Variants in PLCG1 observed in about 807,000 individuals in gnomAD.
The protein encoded by PLCG1 is phospholipase C gamma 1.
Under a neutral mutation model 177.8 loss-of-function variants are expected in PLCG1, and 71 were observed. The observed-to-expected ratio is 0.40, with a 90% CI of 0.33 to 0.49. The LOEUF (loss-of-function observed/expected upper bound fraction) is 0.49, where lower values mean the gene tolerates loss of function less well. PLCG1 is among the 20% of genes least tolerant of loss of function. The probability of loss-of-function intolerance (pLI) is 0.72; values close to 1 mark genes in which losing one functional copy is unlikely to be tolerated. For missense variants in PLCG1, 1,281 were observed against 1,709.0 expected, an observed-to-expected ratio of 0.75 and a Z score of 4.42; for synonymous variants, 658 against 647.9, an observed-to-expected ratio of 1.02 and a Z score of -0.24.
Position 41,137,689 on chromosome 20 carries a change from G to A in PLCG1, c.48G>A (p.Ala16=). The part of the protein sequence containing the change: ...SPCANGCGPG[A]PSDAEVLHLC... ...GCGCCAACGGCTGCGGGCCCGGCGC[G>A]CCCTCGGACGCCGAGGTGCTGCACC... is the stretch of plus-strand genomic sequence containing the variant. Residue 16 remains alanine, a synonymous_variant, in exon 1 of 32, where the codon GCG becomes GCA. Coordinates refer to ENST00000685551, the MANE Select transcript of PLCG1 (RefSeq NM_002660.3). This position sits in a 1 kb window ranked among gnomAD's most constrained non-coding sequence, Gnocchi z 7.3. The A allele has an allele frequency of 2.3e-6, 3 of 1,319,826 alleles. No homozygotes were observed. The highest frequency in any genetic ancestry group is 2.9e-6 in the Non-Finnish European group (3 of 1,033,714). The allele number at this position is 1,319,826 out of a possible 1,614,324, so 81.8% of individuals were successfully genotyped here.
At chr20:41,169,282 C>T in intron 22 of PLCG1, 107 bp downstream of exon 22, 2 of 981,552 alleles carry the variant, frequency 2.0e-6, no homozygotes, top group South Asian at 2.6e-5. Context: ...AGACACCTGT[C>T]ACATGGGCTG....
chr20:41,162,631 A>G lies in PLCG1; in HGVS notation c.598-11A>G. The G allele has an allele frequency of 2.5e-6, 4 of 1,611,534 alleles. No individual in the cohort carries two copies. Among genetic ancestry groups the G allele is most frequent in the Non-Finnish European group, 2.5e-6 (3 of 1,177,774 alleles). On this transcript the variant is annotated splice_polypyrimidine_tract_variant and intron_variant, in intron 5 of 31. Coordinates refer to ENST00000685551, the MANE Select transcript of PLCG1 (RefSeq NM_002660.3). Reference sequence around the variant, plus strand: ...ACTGCCTGACTGGCACTCCTGCTCTATACCATGCAGGACCTGGAGCAGCGC... The same window carrying G: ...ACTGCCTGACTGGCACTCCTGCTCTGTACCATGCAGGACCTGGAGCAGCGC...
rs1282196827 is a variant in PLCG1, at chr20:41,175,760, T to G, written c.*1251T>G. On this transcript the variant is annotated 3_prime_UTR_variant, in exon 32 of 32. Transcript: ENST00000685551. Reference sequence around the variant, plus strand: ...GCTCTTTCGGGGGCTCAGGAAAGCCTGTTGCATGGGACATGCTCACTAGAA... The same window carrying G: ...GCTCTTTCGGGGGCTCAGGAAAGCCGGTTGCATGGGACATGCTCACTAGAA... The G allele has an allele frequency of 6.5e-6, 1 of 152,674 alleles. No individual in the cohort carries two copies. The highest frequency in any genetic ancestry group is 2.4e-5 in the African/African-American group (1 of 41,456). 9.5% of individuals were successfully genotyped at this position (152,674 alleles called of 1,614,324 possible). A position where few individuals can be genotyped will look rare whatever the true frequency, so the allele number is the denominator to read the frequency against.
At chr20:41,169,259 C>A in intron 22 of PLCG1, 84 bp downstream of exon 22, 1 of 1,055,072 alleles carries the variant, frequency 9.5e-7, no homozygotes, top group Non-Finnish European at 1.5e-6. Context: ...CCCAAGCACG[C>A]ACGTGCATGC....
At chr20:41,168,671 G>A (rs2035785630) in intron 20 of PLCG1, 96 bp from the exon 21 acceptor site, 1 of 735,270 alleles carries the variant, frequency 1.4e-6, no homozygotes, top group Non-Finnish European at 2.4e-6. Context: ...CCCCAGGCAG[G>A]GAAGCCCAAG....
chr20:41,170,530 A>G, intron 24 of PLCG1: 1 of 432,064 alleles, frequency 2.3e-6, no homozygotes, highest in Non-Finnish European at 4.2e-6. Flanking sequence ...GATACACAAG[A>G]CCAGAGGTAA....
At chr20:41,138,254 C>G (rs772234635) in intron 1 of PLCG1, among the ~76,000 whole-genome samples, 82 of 152,272 alleles carry the variant, frequency 5.4e-4, no homozygotes, top group Middle Eastern at 6.8e-3. Context: ...CAGACGGTCC[C>G]CGCCCACTCT....
Position 41,166,042 on chromosome 20 carries a change from GTTC to G in PLCG1, c.1800-151_1800-149del. The G allele has an allele frequency of 1.1e-5, 8 of 716,894 alleles. No individual in the cohort carries two copies. Among genetic ancestry groups the G allele is most frequent in the Non-Finnish European group, 1.8e-5 (8 of 441,752 alleles). The allele number at this position is 716,894 out of a possible 1,614,324, so 44.4% of individuals were successfully genotyped here. A position where few individuals can be genotyped will look rare whatever the true frequency, so the allele number is the denominator to read the frequency against. ...GGTTCATTTGAAGCCCACACCTTTG[GTTC>G]ATGTGACTGCCCACACCTGAGCTCC... On this transcript the variant is annotated intron_variant, in intron 16 of 31. Coordinates refer to ENST00000685551, the MANE Select transcript of PLCG1 (RefSeq NM_002660.3). This position sits in a 1 kb window ranked among gnomAD's most constrained non-coding sequence, Gnocchi z 8.6.
In PLCG1 at chr20:41,165,127, G is replaced by T; in HGVS notation, c.1386+26G>T. 1 of 1,607,144 alleles carries T rather than the reference G, an allele frequency of 6.2e-7. No homozygotes were observed. Among genetic ancestry groups the T allele is most frequent in the Middle Eastern group, 1.7e-4 (1 of 6,040 alleles). On this transcript the variant is annotated intron_variant, in intron 13 of 31. Transcript: ENST00000685551. This position sits in a 1 kb window ranked among gnomAD's most constrained non-coding sequence, Gnocchi z 6.6. The stretch of plus-strand genomic sequence containing the variant: ...GTGGGGTGGCGGGCTTATTGCGGAA[G>T]CCCCACACTTCTCAGTGCCTTGCCC...
In PLCG1 at chr20:41,170,166, C is replaced by G; in HGVS notation, c.2705C>G (p.Ala902Gly). The part of the protein sequence containing the change: ...NRLFVFSISM[A>G]SVAHWSLDVA... Reference sequence around the variant, plus strand: ...CTCTTCGTCTTCTCCATCAGCATGGCGTCGGTGGCCCACTGGTCCCTGGAT... The same window carrying G: ...CTCTTCGTCTTCTCCATCAGCATGGGGTCGGTGGCCCACTGGTCCCTGGAT... The change falls in exon 24 of 32, where the codon GCG becomes GGG. Residue 902 changes from alanine (A) to glycine (G), a missense_variant. Coordinates refer to ENST00000685551, the MANE Select transcript of PLCG1 (RefSeq NM_002660.3). The G allele has an allele frequency of 6.2e-7, 1 of 1,614,010 alleles. No individual in the cohort carries two copies. Among genetic ancestry groups the G allele is most frequent in the Non-Finnish European group, 8.5e-7 (1 of 1,179,914 alleles).
Position 41,165,589 on chromosome 20 carries a change from C to T in PLCG1, c.1611+38C>T. The T allele has an allele frequency of 6.2e-7, 1 of 1,611,938 alleles. No homozygotes were observed. Among genetic ancestry groups the T allele is most frequent in the Non-Finnish European group, 8.5e-7 (1 of 1,178,240 alleles). ...CTCAGGTCTGGGGGCTGGGCCAGGT[C>T]AGGCCTGGGCCAGGGTCACAGTATC... On this transcript the variant is annotated intron_variant, in intron 15 of 31. Transcript: ENST00000685551. This position sits in a 1 kb window ranked among gnomAD's most constrained non-coding sequence, Gnocchi z 6.6.
At position 41,174,788 on chromosome 20, in the gene PLCG1, TC is replaced by T; in HGVS notation, c.*280del. ...TGACTTCTGGAGATGGATCCTTCCA[TC>T]TTGTGGGGCCAGGACCATGGCCGAA... is the stretch of plus-strand genomic sequence containing the variant. On this transcript the variant is annotated 3_prime_UTR_variant, in exon 32 of 32. Transcript: ENST00000685551. This position sits in a 1 kb window ranked among gnomAD's most constrained non-coding sequence, Gnocchi z 5.8. 2.1e-6 allele frequency: 1 copy of T among 468,334 alleles called. No individual in the cohort carries two copies. The highest frequency in any genetic ancestry group is 3.9e-6 in the Non-Finnish European group (1 of 256,318). 29.0% of individuals were successfully genotyped at this position (468,334 alleles called of 1,614,324 possible).
At chr20:41,154,755 G>T (rs2035266359) in intron 1 of PLCG1, among the ~76,000 whole-genome samples, 1 of 152,174 alleles carries the variant, frequency 6.6e-6, no homozygotes, top group Non-Finnish European at 1.5e-5. Context: ...CATATAGCTT[G>T]TCCCTTCGAC....
At chr20:41,142,011 C>A (rs1405280273) in intron 1 of PLCG1, among the ~76,000 whole-genome samples, 1 of 152,246 alleles carries the variant, frequency 6.6e-6, no homozygotes, top group Non-Finnish European at 1.5e-5. Context: ...TATACCTCCC[C>A]ATTTGCCCAG....
At position 41,137,680 on chromosome 20, in the gene PLCG1, G is replaced by A. The variant is rs1164921643; in HGVS notation, c.39G>A (p.Gly13=). Residue 13 remains glycine, a synonymous_variant, in exon 1 of 32, where the codon GGG becomes GGA. Transcript: ENST00000685551. The surrounding 1 kb of genome is among the most constrained non-coding windows in gnomAD (Gnocchi z 7.3). ...CGTCCCCTTGCGCCAACGGCTGCGG[G>A]CCCGGCGCGCCCTCGGACGCCGAGG... ...GAASPCANGC[G]PGAPSDAEVL... is the part of the protein sequence containing the mutation. The A allele has an allele frequency of 3.8e-6, 5 of 1,320,618 alleles. No homozygotes were observed. The highest frequency in any genetic ancestry group is 2.9e-6 in the Non-Finnish European group (3 of 1,034,470). The allele number at this position is 1,320,618 out of a possible 1,614,324, so 81.8% of individuals were successfully genotyped here. A position where few individuals can be genotyped will look rare whatever the true frequency, so the allele number is the denominator to read the frequency against.
At position 41,170,207 on chromosome 20, in the gene PLCG1, C is replaced by G. The variant is rs139300703; in HGVS notation, c.2746C>G (p.Gln916Glu). ...HWSLDVAADS[Q>E]EELQDWVKKI... ...GTCCCTGGATGTTGCTGCCGACTCA[C>G]AGGAGGAGCTGCAGGACTGGGTGAA... is the stretch of plus-strand genomic sequence containing the variant. The change falls in exon 24 of 32, where the codon CAG becomes GAG. Residue 916 changes from glutamine to glutamate, a missense_variant. Around this residue, in one of 4 missense-constraint regions of PLCG1, gnomAD observed 723 missense variants for 1,030.0 expected, o/e 0.70. Transcript: ENST00000685551. 1.2e-4 allele frequency: 193 copies of G among 1,613,950 alleles called. No individual in the cohort carries two copies. The highest frequency in any genetic ancestry group is 1.6e-4 in the Non-Finnish European group (186 of 1,179,976).
In PLCG1 at chr20:41,165,908, T is replaced by C. The variant is rs2035671157; in HGVS notation, c.1799+82T>C. 5.2e-6 allele frequency: 6 copies of C among 1,160,046 alleles called. No individual in the cohort carries two copies. The allele number at this position is 1,160,046 out of a possible 1,614,324, so 71.9% of individuals were successfully genotyped here. On this transcript the variant is annotated intron_variant, in intron 16 of 31. Coordinates refer to ENST00000685551, the MANE Select transcript of PLCG1 (RefSeq NM_002660.3). This position sits in a 1 kb window ranked among gnomAD's most constrained non-coding sequence, Gnocchi z 6.6. ...ATCACCCAGAGATAATCAGTTAACA[T>C]TTGAGCCTTTGATCCAGGACAATAA... is the stretch of plus-strand genomic sequence containing the variant.
chr20:41,174,802 G>T lies in PLCG1; in HGVS notation c.*293G>T, dbSNP rs1600681443. On this transcript the variant is annotated 3_prime_UTR_variant, in exon 32 of 32. Transcript: ENST00000685551. This position sits in a 1 kb window ranked among gnomAD's most constrained non-coding sequence, Gnocchi z 5.8. ...GGATCCTTCCATCTTGTGGGGCCAG[G>T]ACCATGGCCGAAGCCCCTTGGAGAG... 4.5e-6 allele frequency: 2 copies of T among 440,142 alleles called. No homozygotes were observed. The highest frequency in any genetic ancestry group is 9.2e-5 in the East Asian group (2 of 21,796). 27.3% of individuals were successfully genotyped at this position (440,142 alleles called of 1,614,324 possible).
Position 41,163,555 on chromosome 20 carries a change from G to A in PLCG1, c.891+76G>A. 1 of 1,185,540 alleles carries A rather than the reference G, an allele frequency of 8.4e-7. No individual in the cohort carries two copies. The highest frequency in any genetic ancestry group is 1.3e-6 in the Non-Finnish European group (1 of 795,322). The allele number at this position is 1,185,540 out of a possible 1,614,324, so 73.4% of individuals were successfully genotyped here. ...CCAGGACCCCACCCGGGCTCCAGGA[G>A]CTAGACGCTCCTTAGGGATGCCACC... On this transcript the variant is annotated intron_variant, in intron 9 of 31. Transcript: ENST00000685551. The surrounding 1 kb of genome is among the most constrained non-coding windows in gnomAD (Gnocchi z 5.2).
Sources: gnomAD v4.1 joint callset for allele counts (sites outside exome capture counted in the v4.1 genomes callset) on GRCh38, gnomAD v4.1.1 for gene constraint, gnomAD v4.1.1 regional missense constraint, Gnocchi (gnomAD v3.1) non-coding constraint, MANE v1.5 for transcripts, NCBI Gene and HGNC (gene_info 2026-07-23, HGNC 2026-07-21) for gene names.